Variants in DNAH6 observed in about 807,000 individuals in gnomAD.
DNAH6 encodes axonemal beta dynein heavy chain 6.
Under a neutral mutation model 491.4 loss-of-function variants are expected in DNAH6, and 340 were observed. The observed-to-expected ratio is 0.69, with a 90% CI of 0.63 to 0.76. The LOEUF (loss-of-function observed/expected upper bound fraction) is 0.76, where lower values mean the gene tolerates loss of function less well. DNAH6 is among the 30% of genes least tolerant of loss of function. The pLI, the probability that DNAH6 is intolerant of heterozygous loss-of-function variation, is 0.00. For synonymous variants in DNAH6, 1,603 were observed against 1,686.1 expected, an observed-to-expected ratio of 0.95 and a Z score of 1.21; for missense variants, 4,443 against 4,972.2, an observed-to-expected ratio of 0.89 and a Z score of 3.20.
At chr2:84,797,071 G>A (rs1001139051) in intron 69 of DNAH6, among the ~76,000 whole-genome samples, 1 of 152,048 alleles carries the variant, frequency 6.6e-6, no homozygotes, top group African/African-American at 2.4e-5. Flanking sequence ...GGATTCAACT[G>A]TATATCCTGC....
intron 67 of DNAH6, among the ~76,000 whole-genome samples, chr2:84,786,478 A>AAAG (rs1469010312): frequency 3.9e-5 from 6 of 151,984 alleles, no homozygotes; most frequent in Admixed American, 3.9e-4. Context: ...AAATAGGTTA[A>AAAG]AAGGTCTTAG....
chr2:84,707,064 T>C, intron 53 of DNAH6, 45 bp downstream of exon 53: 1 of 1,485,328 alleles, frequency 6.7e-7, no homozygotes, highest in Non-Finnish European at 8.9e-7. Flanking sequence ...ATGCCTGATT[T>C]TCAGAAGTAG....
intron 59 of DNAH6, among the ~76,000 whole-genome samples, chr2:84,720,162 G>A (rs1697959121): frequency 6.6e-6 from 1 of 151,556 alleles, no homozygotes; most frequent in African/African-American, 2.4e-5. Context: ...CTGCCAGGGT[G>A]AGAAAGGGAC....
At chr2:84,605,034 C>A (rs1558785159) in intron 19 of DNAH6, among the ~76,000 whole-genome samples, 1 of 152,016 alleles carries the variant, frequency 6.6e-6, no homozygotes, top group Non-Finnish European at 1.5e-5. Context: ...GTCATCTATC[C>A]AAGAAGAAGA....
intron 70 of DNAH6, among the ~76,000 whole-genome samples, chr2:84,801,835 G>A (rs1218876067): frequency 6.7e-6 from 1 of 149,308 alleles, no homozygotes; most frequent in East Asian, 2.0e-4. Context: ...AGTGAGCTGA[G>A]ATCACGCCAT....
At chr2:84,514,713 T>A (rs1290817059), upstream of DNAH6, among the ~76,000 whole-genome samples, 1 of 152,204 alleles carries the variant, frequency 6.6e-6, no homozygotes, top group Non-Finnish European at 1.5e-5. Flanking sequence ...AGCTGCTACA[T>A]TGATTTAGTA....
At chr2:84,651,521 T>C (rs1235661603) in intron 33 of DNAH6, among the ~76,000 whole-genome samples, 1 of 152,186 alleles carries the variant, frequency 6.6e-6, no homozygotes, top group Non-Finnish European at 1.5e-5. Context: ...AAAAGTTTTC[T>C]GTCTTGCTGG....
chr2:84,782,271 C>T (rs1451667992), intron 65 of DNAH6, among the ~76,000 whole-genome samples: 1 of 152,104 alleles, frequency 6.6e-6, no homozygotes, highest in Non-Finnish European at 1.5e-5. Flanking sequence ...TAATCAAAAC[C>T]TCAGGAACTA....
At chr2:84,556,555 T>C (rs1308479831) in intron 10 of DNAH6, among the ~76,000 whole-genome samples, 1 of 152,222 alleles carries the variant, frequency 6.6e-6, no homozygotes, top group Non-Finnish European at 1.5e-5. Context: ...AATTAGACTT[T>C]ATATTTATTA....
intron 54 of DNAH6, among the ~76,000 whole-genome samples, chr2:84,708,536 AGAAG>A (rs1305149013): frequency 1.1e-4 from 16 of 147,892 alleles, no homozygotes; most frequent in South Asian, 2.2e-4. Flanking sequence ...AGAAAAAGAA[AGAAG>A]GAAGGAAGGA....
chr2:84,477,153 C>T, the DNAH6 span, among the ~76,000 whole-genome samples: 1 of 152,202 alleles, frequency 6.6e-6, no homozygotes, highest in African/African-American at 2.4e-5. Flanking sequence ...AAGGCCTGAG[C>T]TCTGGGAGCC....
intron 11 of DNAH6, among the ~76,000 whole-genome samples, chr2:84,565,615 G>A (rs909425328): frequency 5.9e-5 from 9 of 151,834 alleles, no homozygotes; most frequent in Non-Finnish European, 1.0e-4. Context: ...TTGTTGGAGT[G>A]CTGGGTTTAA....
intron 11 of DNAH6, among the ~76,000 whole-genome samples, chr2:84,559,450 G>A (rs1680424542): frequency 1.3e-5 from 2 of 152,222 alleles, no homozygotes; most frequent in African/African-American, 4.8e-5. Flanking sequence ...GGGAGGCTGA[G>A]GTGGGAAGGT....
At chr2:84,522,437 CCT>C (rs1676240738) in intron 2 of DNAH6, among the ~76,000 whole-genome samples, 1 of 152,116 alleles carries the variant, frequency 6.6e-6, no homozygotes, top group South Asian at 2.1e-4. Flanking sequence ...AGTTTGACTT[CCT>C]CTCTTCCTAT....
chr2:84,557,490 CA>C lies in DNAH6; in HGVS notation c.1603-235del, dbSNP rs1359524478. Among the ~76,000 whole-genome samples the C allele has an allele frequency of 2.7e-4, 38 of 142,324 alleles. No individual in the cohort carries two copies. The Middle Eastern group carries it at 0.011, about 41-fold the overall frequency. The allele number at this position is 142,324 out of a possible 152,430, so 93.4% of individuals were successfully genotyped here. A position where few individuals can be genotyped will look rare whatever the true frequency, so the allele number is the denominator to read the frequency against. The stretch of plus-strand genomic sequence containing the variant: ...TGAAACCCCGTCTCTACTAAAAATA[CA>C]AAAAAAAAATTAGCTGGGCGCGGTG... On this transcript the variant is annotated intron_variant, in intron 10 of 76. Coordinates refer to ENST00000389394, the MANE Select transcript of DNAH6 (RefSeq NM_001370.2).
chr2:84,704,426 C>T, intron 51 of DNAH6, 124 bp downstream of exon 51: 1 of 718,132 alleles, frequency 1.4e-6, no homozygotes, highest in Non-Finnish European at 2.3e-6. Flanking sequence ...GGTCATTCAA[C>T]AAATTGATTC....
chr2:84,595,924 A>AT (rs1274502110), intron 18 of DNAH6, 135 bp downstream of exon 18: 7 of 1,030,690 alleles, frequency 6.8e-6, no homozygotes, highest in East Asian at 5.6e-5. Flanking sequence ...AGTCAAATTC[A>AT]TTTTTTTGCA....
intron 42 of DNAH6, 116 bp downstream of exon 42, chr2:84,681,644 A>G (rs1359986867): frequency 1.1e-6 from 1 of 884,378 alleles, no homozygotes; most frequent in Non-Finnish European, 1.6e-6. Flanking sequence ...CAGAAATCCC[A>G]TCACCTGTTC....
In DNAH6 at chr2:84,703,555, C is replaced by A; in HGVS notation, c.8222C>A (p.Ala2741Asp). 6.5e-7 allele frequency: 1 copy of A among 1,550,122 alleles called. No individual in the cohort carries two copies. Among genetic ancestry groups the A allele is most frequent in the South Asian group, 1.2e-5 (1 of 83,734 alleles). The change falls in exon 50 of 77, where the codon GCC becomes GAC. Residue 2741 changes from alanine to aspartate, a missense_variant. Transcript: ENST00000389394. ...MEKLAVDQES[A>D]DQVRNTVQED... ...AAATTGGCAGTGGATCAAGAAAGTGCCGATCAGGTATGCTGCAGTTCCTGA... is the reference window on the plus strand; with the variant it reads ...AAATTGGCAGTGGATCAAGAAAGTGACGATCAGGTATGCTGCAGTTCCTGA...
Sources: allele counts gnomAD v4.1 joint callset (sites outside exome capture counted in the v4.1 genomes callset), GRCh38; gene constraint gnomAD v4.1.1; transcripts MANE v1.5; gene names NCBI Gene and HGNC (gene_info 2026-07-23, HGNC 2026-07-21).